Variants in DCDC1 observed in about 807,000 individuals in gnomAD.
DCDC1 encodes the protein doublecortin domain containing 1.
Under a neutral mutation model 178.3 loss-of-function variants are expected in DCDC1, and 200 were observed. That is an observed-to-expected ratio of 1.12 (90% CI 1.00 to 1.26). The LOEUF (loss-of-function observed/expected upper bound fraction) is 1.26. DCDC1 is among the 50% of genes most tolerant of loss of function. DCDC1 has a pLI of 0.00. For missense variants in DCDC1, 1,983 were observed against 1,749.2 expected, an observed-to-expected ratio of 1.13 and a Z score of -2.38; for synonymous variants, 690 against 604.8, an observed-to-expected ratio of 1.14 and a Z score of -2.07.
In DCDC1 at chr11:31,127,565, T is replaced by C. The variant is rs570228421; in HGVS notation, c.1389A>G (p.Gln463=). Reference sequence around the variant, plus strand: ...AGAATTGCTCCTGCTCAGCCTGTAATTGGGGGCCAAGTTTACAGAGATGAC... The same window carrying C: ...AGAATTGCTCCTGCTCAGCCTGTAACTGGGGGCCAAGTTTACAGAGATGAC... ...NIGHLCKLGP[Q]LQAEQEQFSS... is the part of the protein sequence containing the mutation. Residue 463 remains glutamine (Q), a synonymous_variant, in exon 11 of 39, where the codon CAA becomes CAG. Transcript: ENST00000684477. The C allele has an allele frequency of 3.8e-5, 27 of 702,760 alleles. No homozygotes were observed. The highest frequency in any genetic ancestry group is 2.6e-4 in the African/African-American group (15 of 57,346). 43.5% of individuals were successfully genotyped at this position (702,760 alleles called of 1,614,324 possible).
intron 8 of DCDC1, among the ~76,000 whole-genome samples, chr11:31,249,295 T>C (rs1269271882): frequency 3.3e-5 from 5 of 152,206 alleles, no homozygotes; most frequent in Admixed American, 3.3e-4. Flanking sequence ...AATGTTCATA[T>C]TGCACAGTTC....
At chr11:31,146,235 C>T (rs1964435030) in intron 9 of DCDC1, among the ~76,000 whole-genome samples, 2 of 151,994 alleles carry the variant, frequency 1.3e-5, no homozygotes, top group African/African-American at 4.8e-5. Context: ...CCATGCCTGG[C>T]TAATTTTTTT....
chr11:30,970,496 T>C (rs914964067), intron 20 of DCDC1, among the ~76,000 whole-genome samples: 5 of 152,140 alleles, frequency 3.3e-5, no homozygotes, highest in African/African-American at 1.2e-4. Flanking sequence ...CAAAACTATG[T>C]ACATTTTCAA....
chr11:30,898,484 G>A (rs1361950898), intron 34 of DCDC1, among the ~76,000 whole-genome samples: 3 of 152,178 alleles, frequency 2.0e-5, no homozygotes, highest in African/African-American at 4.8e-5. Context: ...CTTGGGGAAG[G>A]TGAGAGAGAG....
At position 31,056,960 on chromosome 11, in the gene DCDC1, G is replaced by A. The variant is rs865812678; in HGVS notation, c.2591+7509C>T. ...TCTCAACAAATTTCAGGCTGGGCAC[G>A]GTGGTGCATACCTATAATTCCAGTA... On this transcript the variant is annotated intron_variant, in intron 20 of 38. Coordinates refer to ENST00000684477, the MANE Select transcript of DCDC1 (RefSeq NM_001387274.1). 2.0e-5 allele frequency among the ~76,000 whole-genome samples: 3 copies of A among 152,072 alleles called. No homozygotes were observed. The South Asian group carries it at 6.2e-4, about 32-fold the overall frequency.
chr11:31,034,706 A>C (rs1953909393), intron 20 of DCDC1, among the ~76,000 whole-genome samples: 1 of 152,176 alleles, frequency 6.6e-6, no homozygotes, highest in Admixed American at 6.5e-5. Flanking sequence ...TACACTCTAC[A>C]ATGTTTGCAC....
At chr11:31,357,873 A>G (rs1324867334) in intron 1 of DCDC1, among the ~76,000 whole-genome samples, 3 of 152,080 alleles carry the variant, frequency 2.0e-5, no homozygotes, top group African/African-American at 7.2e-5. Context: ...TAGGAATCCA[A>G]CTTACAAGGG....
rs1424944768 is a variant in DCDC1 at position 31,306,312 on chromosome 11, G to A, written c.511C>T (p.Pro171Ser). The A allele has an allele frequency of 6.2e-7, 1 of 1,610,930 alleles. No individual in the cohort carries two copies. Among genetic ancestry groups the A allele is most frequent in the Admixed American group, 1.7e-5 (1 of 59,690 alleles). Residue 171 changes from proline (P) to serine (S), a missense_variant, in exon 5 of 39, where the codon CCA becomes TCA. Transcript: ENST00000684477. ...QKLSQRHKLQ[P>S]RVIKVTAYKN... Reference sequence around the variant, plus strand: ...TAAGCTGTTACTTTAATCACTCTTGGTTGAAGTTTGTGTCTTTGAGACAAT... The same window carrying A: ...TAAGCTGTTACTTTAATCACTCTTGATTGAAGTTTGTGTCTTTGAGACAAT...
chr11:31,207,905 T>G (rs1465291914), intron 9 of DCDC1, among the ~76,000 whole-genome samples: 1 of 152,214 alleles, frequency 6.6e-6, no homozygotes. Context: ...TCTTCCCACT[T>G]TAATCATCAG....
At chr11:31,133,832 T>C (rs1962777168) in intron 10 of DCDC1, among the ~76,000 whole-genome samples, 2 of 152,222 alleles carry the variant, frequency 1.3e-5, no homozygotes, top group East Asian at 3.9e-4. Flanking sequence ...GCCTCCTGAG[T>C]AGCTGGGATT....
chr11:31,369,541 C>A (rs1049308565), intron 1 of DCDC1, among the ~76,000 whole-genome samples, 156 bp downstream of exon 1: 9 of 152,068 alleles, frequency 5.9e-5, no homozygotes, highest in African/African-American at 2.2e-4. Flanking sequence ...GCTCAGGGTA[C>A]GGTAAACGGA....
At chr11:31,354,557 T>C (rs895531602) in intron 1 of DCDC1, among the ~76,000 whole-genome samples, 1 of 152,166 alleles carries the variant, frequency 6.6e-6, no homozygotes, top group African/African-American at 2.4e-5. Flanking sequence ...GGCATGAATA[T>C]AGTAACAGAA....
chr11:31,208,661 G>A (rs144353384), intron 9 of DCDC1, among the ~76,000 whole-genome samples: 12 of 152,168 alleles, frequency 7.9e-5, no homozygotes, highest in African/African-American at 1.7e-4. Context: ...TGATCTGCAT[G>A]TCCCCACCTC....
At chr11:31,081,396 T>G (rs1590975105) in intron 17 of DCDC1, among the ~76,000 whole-genome samples, 1 of 152,046 alleles carries the variant, frequency 6.6e-6, no homozygotes, top group African/African-American at 2.4e-5. Context: ...GATCACGAGG[T>G]CAGGAGATTG....
chr11:31,035,480 C>T (rs1270436980), intron 20 of DCDC1, among the ~76,000 whole-genome samples: 3 of 152,176 alleles, frequency 2.0e-5, no homozygotes, highest in Non-Finnish European at 4.4e-5. Flanking sequence ...TAACATATCC[C>T]TTACTTTTGA....
chr11:31,126,364 C>T (rs559698333), intron 11 of DCDC1, among the ~76,000 whole-genome samples: 1 of 152,310 alleles, frequency 6.6e-6, no homozygotes, highest in Non-Finnish European at 1.5e-5. Flanking sequence ...TCTTGAACAT[C>T]ACTTCCTAAA....
At chr11:31,243,573 C>CA (rs1364179939) in intron 8 of DCDC1, among the ~76,000 whole-genome samples, 2 of 151,036 alleles carry the variant, frequency 1.3e-5, no homozygotes, top group African/African-American at 2.4e-5. Context: ...CAAGGGATTC[C>CA]AAAAAAAGCA....
chr11:31,059,900 T>G (rs1432097109), intron 20 of DCDC1, among the ~76,000 whole-genome samples: 1 of 152,112 alleles, frequency 6.6e-6, no homozygotes, highest in African/African-American at 2.4e-5. Flanking sequence ...TTTTACAATT[T>G]ATAATTATAT....
At chr11:30,917,277 G>GA (rs942787213) in intron 25 of DCDC1, among the ~76,000 whole-genome samples, 8 of 151,914 alleles carry the variant, frequency 5.3e-5, no homozygotes, top group African/African-American at 2.4e-5. Context: ...TGTTTACTCA[G>GA]AAAAAAATGG....
Sources: gnomAD v4.1 joint callset for allele counts (sites outside exome capture counted in the v4.1 genomes callset) on GRCh38, gnomAD v4.1.1 for gene constraint, MANE v1.5 for transcripts, NCBI Gene and HGNC (gene_info 2026-07-23, HGNC 2026-07-21) for gene names.